The following UPP2 variants were observed in gnomAD, a reference collection of about 807,000 sequenced individuals.
UPP2 encodes the protein UPase 2.
UPP2 carries 23 observed loss-of-function variants against 26.7 expected under a neutral mutation model. The observed-to-expected ratio is 0.86, with a 90% CI of 0.62 to 1.22. The LOEUF (loss-of-function observed/expected upper bound fraction) is 1.22. Ranked by LOEUF, UPP2 falls within the 50% of genes most tolerant of loss-of-function variation. UPP2 has a pLI of 0.00. For missense variants in UPP2, 387 were observed against 396.7 expected, an observed-to-expected ratio of 0.98 and a Z score of 0.21; for synonymous variants, 127 against 141.3, an observed-to-expected ratio of 0.90 and a Z score of 0.72.
intron 3 of UPP2, among the ~76,000 whole-genome samples, chr2:158,025,100 G>T (rs1683813516): frequency 6.6e-6 from 1 of 151,922 alleles, no homozygotes; most frequent in African/African-American, 2.4e-5. Flanking sequence ...TACTTGGGAG[G>T]CTGAGGCAGG....
chr2:158,074,608 G>A (rs557228073), intron 3 of UPP2, among the ~76,000 whole-genome samples: 36 of 148,806 alleles, frequency 2.4e-4, no homozygotes, highest in Non-Finnish European at 2.7e-4. Context: ...TAAAAAGCAA[G>A]TAATTAAATC....
At chr2:158,129,135 A>G (rs60196162) in intron 6 of UPP2, among the ~76,000 whole-genome samples, 5,588 of 151,954 alleles carry the variant, frequency 0.037, 356 homozygotes, top group African/African-American at 0.13. Flanking sequence ...CAACTCACAC[A>G]TTAGGGATCA....
chr2:158,035,230 T>A (rs1462364742), intron 3 of UPP2, among the ~76,000 whole-genome samples: 1 of 151,580 alleles, frequency 6.6e-6, no homozygotes. Flanking sequence ...CGATTTCAGC[T>A]CACTGCAACC....
chr2:158,064,260 G>T (rs1682399531), intron 3 of UPP2, among the ~76,000 whole-genome samples: 1 of 152,186 alleles, frequency 6.6e-6, no homozygotes, highest in Non-Finnish European at 1.5e-5. Flanking sequence ...AGCATCTGTT[G>T]TTTCCTGACT....
chr2:158,099,699 C>T (rs111472650), upstream of UPP2, among the ~76,000 whole-genome samples: 1 of 152,170 alleles, frequency 6.6e-6, no homozygotes, highest in Non-Finnish European at 1.5e-5. Context: ...AGTTGTACAT[C>T]AAGACTGTGC....
chr2:158,122,951 A>G (rs1312419669), intron 5 of UPP2, among the ~76,000 whole-genome samples: 1 of 152,154 alleles, frequency 6.6e-6, no homozygotes, highest in Non-Finnish European at 1.5e-5. Flanking sequence ...CGTGAAAGAG[A>G]TAGAGGAAAG....
chr2:158,117,988 T>C, intron 4 of UPP2, 50 bp downstream of exon 4: 1 of 1,461,012 alleles, frequency 6.8e-7, no homozygotes. Flanking sequence ...CTTACATACA[T>C]GGTAGCTGCC....
chr2:158,074,690 TACAC>T lies in UPP2; in HGVS notation c.148-27316_148-27313del, dbSNP rs56277459. 9.5e-3 allele frequency among the ~76,000 whole-genome samples: 1,285 copies of T among 135,468 alleles called. 20 individuals are homozygous for T. The highest frequency in any genetic ancestry group is 0.027 in the African/African-American group (945 of 35,580). The allele number at this position is 135,468 out of a possible 152,430, so 88.9% of individuals were successfully genotyped here. A position where few individuals can be genotyped will look rare whatever the true frequency, so the allele number is the denominator to read the frequency against. ...GGAAAGAAGGAATAGAAGACCTTCA[TACAC>T]ACACACACACACACACACACACACA... On this transcript the variant is annotated intron_variant, in intron 3 of 9. Transcript: ENST00000605860.
intron 3 of UPP2, among the ~76,000 whole-genome samples, chr2:158,036,360 C>T (rs181965439): frequency 5.5e-4 from 84 of 152,234 alleles, no homozygotes; most frequent in Non-Finnish European, 8.8e-4. Flanking sequence ...TACGACTGTA[C>T]CCCCGAGCGC....
At chr2:158,089,199 G>A (rs1682866425) in intron 3 of UPP2, among the ~76,000 whole-genome samples, 1 of 152,070 alleles carries the variant, frequency 6.6e-6, no homozygotes, top group Admixed American at 6.6e-5. Flanking sequence ...GGCCAATGGA[G>A]TTACGTTCCC....
chr2:158,006,135 T>C (rs1263218229), intron 2 of UPP2, among the ~76,000 whole-genome samples: 1 of 152,198 alleles, frequency 6.6e-6, no homozygotes, highest in Non-Finnish European at 1.5e-5. Context: ...AATAAAGTTA[T>C]TTAATTCTTC....
intron 3 of UPP2, among the ~76,000 whole-genome samples, chr2:158,035,303 T>G (rs1247606032): frequency 6.6e-6 from 1 of 152,016 alleles, no homozygotes; most frequent in Non-Finnish European, 1.5e-5. Flanking sequence ...ATTACAGGCA[T>G]GCACCACCAC....
At chr2:158,123,360 T>C (rs1206579353) in intron 5 of UPP2, among the ~76,000 whole-genome samples, 2 of 151,014 alleles carry the variant, frequency 1.3e-5, no homozygotes, top group Admixed American at 1.3e-4. Flanking sequence ...ACCTCTTTTT[T>C]TTTCTCCCAG....
At chr2:158,013,325 C>T (rs1683609608) in intron 2 of UPP2, among the ~76,000 whole-genome samples, 1 of 152,178 alleles carries the variant, frequency 6.6e-6, no homozygotes, top group Non-Finnish European at 1.5e-5. Flanking sequence ...TTTTAATGCA[C>T]ATATCCAACG....
chr2:158,045,319 C>A (rs945752533), intron 3 of UPP2, among the ~76,000 whole-genome samples: 1 of 152,028 alleles, frequency 6.6e-6, no homozygotes, highest in Non-Finnish European at 1.5e-5. Context: ...AAGATGCAGG[C>A]GAAGACAAGG....
At chr2:158,132,526 A>G (rs1469430087) in intron 6 of UPP2, among the ~76,000 whole-genome samples, 1 of 152,226 alleles carries the variant, frequency 6.6e-6, no homozygotes, top group Non-Finnish European at 1.5e-5. Flanking sequence ...GGATTAAGTG[A>G]TATCATAAAT....
At chr2:158,101,722 G>A (rs1212714499), upstream of UPP2, 3 of 463,788 alleles carry the variant, frequency 6.5e-6, no homozygotes, top group African/African-American at 4.3e-5. Context: ...ACAGATGTAA[G>A]GGAAAGTTCT....
intron 2 of UPP2, among the ~76,000 whole-genome samples, chr2:158,012,958 A>G (rs772179091): frequency 4.5e-4 from 68 of 152,286 alleles, no homozygotes; most frequent in Non-Finnish European, 5.4e-4. Context: ...AAATTCATCA[A>G]TGCCCCATTG....
At chr2:158,130,817 T>C (rs1320958056) in intron 6 of UPP2, among the ~76,000 whole-genome samples, 1 of 152,216 alleles carries the variant, frequency 6.6e-6, no homozygotes, top group African/African-American at 2.4e-5. Flanking sequence ...TTCACTGCGC[T>C]TTCCCAACAC....
Sources: gnomAD v4.1 joint callset for allele counts (sites outside exome capture counted in the v4.1 genomes callset) on GRCh38, gnomAD v4.1.1 for gene constraint, MANE v1.5 for transcripts, NCBI Gene and HGNC (gene_info 2026-07-23, HGNC 2026-07-21) for gene names.